The following RIMS2 variants were observed in gnomAD, a reference collection of about 807,000 sequenced individuals.
The protein encoded by RIMS2 is regulating synaptic membrane exocytosis protein 2.
In RIMS2, 59 loss-of-function variants were observed where a neutral mutation model predicts 174.4. The observed-to-expected ratio is 0.34, with a 90% CI of 0.27 to 0.42. The LOEUF is 0.42. Ranked by LOEUF, RIMS2 falls within the 10% of genes least tolerant of loss-of-function variation. The pLI is 1.00. For missense variants in RIMS2, 1,620 were observed against 1,666.3 expected, an observed-to-expected ratio of 0.97 and a Z score of 0.48; for synonymous variants, 606 against 572.5, an observed-to-expected ratio of 1.06 and a Z score of -0.84.
At chr8:103,986,757 C>G (rs2094389848) in intron 16 of RIMS2, among the ~76,000 whole-genome samples, 1 of 151,890 alleles carries the variant, frequency 6.6e-6, no homozygotes, top group Admixed American at 6.6e-5. Flanking sequence ...CCTCTAATCC[C>G]AGCTACCCAA....
At chr8:104,144,719 A>G (rs2133778765) in intron 19 of RIMS2, among the ~76,000 whole-genome samples, 1 of 152,150 alleles carries the variant, frequency 6.6e-6, no homozygotes, top group Admixed American at 6.5e-5. Context: ...TGAACACATA[A>G]TTTTATTTTT....
At chr8:104,090,914 A>G (rs2097643811) in intron 19 of RIMS2, among the ~76,000 whole-genome samples, 1 of 151,892 alleles carries the variant, frequency 6.6e-6, no homozygotes, top group Non-Finnish European at 1.5e-5. Flanking sequence ...AGCTAAAGAT[A>G]TTCCTGAAAT....
intron 16 of RIMS2, among the ~76,000 whole-genome samples, chr8:103,982,242 A>G (rs2154549367): frequency 6.6e-6 from 1 of 152,308 alleles, no homozygotes; most frequent in Non-Finnish European, 1.5e-5. Context: ...AACAAGATCA[A>G]AGCCATAATG....
intron 2 of RIMS2, among the ~76,000 whole-genome samples, chr8:103,734,020 T>C (rs1170878606): frequency 1.1e-5 from 1 of 90,862 alleles, no homozygotes; most frequent in African/African-American, 3.5e-5. Flanking sequence ...GCTTCTTTTT[T>C]TTTTTTTTTT....
Position 103,590,079 on chromosome 8 carries a change from G to A in RIMS2, c.176+89017G>A, listed in dbSNP as rs541088169. 5.9e-5 allele frequency among the ~76,000 whole-genome samples: 9 copies of A among 151,374 alleles called. No individual in the cohort carries two copies. The Middle Eastern group carries it at 0.01, about 172-fold the overall frequency. On this transcript the variant is annotated intron_variant, in intron 1 of 23. Coordinates refer to ENST00000504942, the Ensembl canonical transcript of RIMS2. ...TTGTACAGTTTGAAATAACTTAGAG[G>A]GTAATTGGATTGTTTGTAACTCAAA...
intron 3 of RIMS2, among the ~76,000 whole-genome samples, chr8:103,867,616 G>A (rs1045152836): frequency 4.0e-5 from 6 of 151,812 alleles, no homozygotes; most frequent in African/African-American, 1.5e-4. Context: ...GCAATTGAGA[G>A]GAATTACAAA....
chr8:103,879,009 A>G (rs1188791829), intron 3 of RIMS2, among the ~76,000 whole-genome samples: 3 of 151,666 alleles, frequency 2.0e-5, no homozygotes, highest in Non-Finnish European at 2.9e-5. Flanking sequence ...ATTCGAATGC[A>G]TGGGAAGTAG....
chr8:104,082,627 A>T (rs1217110909), intron 19 of RIMS2, among the ~76,000 whole-genome samples: 1 of 152,158 alleles, frequency 6.6e-6, no homozygotes, highest in Non-Finnish European at 1.5e-5. Context: ...CTGGGACAAG[A>T]TTGTGGAGAA....
chr8:103,525,965 A>G (rs1010698022), intron 1 of RIMS2, among the ~76,000 whole-genome samples: 1 of 152,216 alleles, frequency 6.6e-6, no homozygotes, highest in Non-Finnish European at 1.5e-5. Flanking sequence ...TGGAGACAAG[A>G]TCCTGGAGAA....
chr8:104,159,877 G>A (rs1304528462), intron 19 of RIMS2, among the ~76,000 whole-genome samples: 1 of 152,094 alleles, frequency 6.6e-6, no homozygotes, highest in Admixed American at 6.5e-5. Context: ...GGTGGCTCAT[G>A]CCTGGAATCC....
intron 19 of RIMS2, among the ~76,000 whole-genome samples, chr8:104,147,525 C>T (rs2098651722): frequency 6.6e-6 from 1 of 151,926 alleles, no homozygotes; most frequent in Admixed American, 6.6e-5. Context: ...AAGAGTTCAC[C>T]TCAATAAGTT....
intron 1 of RIMS2, among the ~76,000 whole-genome samples, chr8:103,579,302 C>A (rs7822390): frequency 0.18 from 27,576 of 151,774 alleles, 2,747 homozygotes; most frequent in African/African-American, 0.26. Context: ...CACACACACA[C>A]ACACACGAAA....
rs577216445 is a variant in RIMS2 at position 103,670,258 on chromosome 8, C to T, written c.177-26828C>T. ...CACGAAGACCCTAGGCTGCACGCAGCAGGGGGACCCTGGGCTGAGCCCACA... is the reference window on the plus strand; with the variant it reads ...CACGAAGACCCTAGGCTGCACGCAGTAGGGGGACCCTGGGCTGAGCCCACA... On this transcript the variant is annotated intron_variant, in intron 1 of 23. Transcript: ENST00000504942. 3.9e-5 allele frequency among the ~76,000 whole-genome samples: 6 copies of T among 152,358 alleles called. No homozygotes were observed. In the South Asian group the frequency reaches 1.0e-3, roughly 26 times the overall value.
intron 3 of RIMS2, among the ~76,000 whole-genome samples, chr8:103,883,175 CTAATA>C (rs1345187971): frequency 6.6e-6 from 1 of 151,600 alleles, no homozygotes. Context: ...ATTTCTTAAC[CTAATA>C]TATGTTTGTT....
chr8:103,683,554 T>A lies in RIMS2; in HGVS notation c.177-13532T>A, dbSNP rs542311535. Among the ~76,000 whole-genome samples the A allele has an allele frequency of 1.2e-4, 19 of 152,316 alleles. No homozygotes were observed. In the South Asian group the frequency reaches 3.7e-3, roughly 30 times the overall value. ...TCAAACCATAGCACTTCGTAAATTGTCCAGTACTCCAATGCCTCCAGAACT... is the reference window on the plus strand; with the variant it reads ...TCAAACCATAGCACTTCGTAAATTGACCAGTACTCCAATGCCTCCAGAACT... On this transcript the variant is annotated intron_variant, in intron 1 of 23. Transcript: ENST00000504942.
At chr8:103,675,851 C>A (rs2096802805) in intron 1 of RIMS2, among the ~76,000 whole-genome samples, 1 of 152,012 alleles carries the variant, frequency 6.6e-6, no homozygotes, top group Non-Finnish European at 1.5e-5. Flanking sequence ...GGTTTGTGGA[C>A]TTTTAAATAG....
chr8:103,833,910 A>C (rs2154480863), intron 3 of RIMS2, among the ~76,000 whole-genome samples: 1 of 152,258 alleles, frequency 6.6e-6, no homozygotes, highest in Admixed American at 6.5e-5. Flanking sequence ...ATATCAGGTA[A>C]GTTTGAAGTG....
At chr8:103,959,517 C>T (rs1052544959) in intron 14 of RIMS2, among the ~76,000 whole-genome samples, 8 of 151,858 alleles carry the variant, frequency 5.3e-5, no homozygotes, top group Non-Finnish European at 1.2e-4. Context: ...CCGCCTCCTG[C>T]CTCAACCTCC....
chr8:104,217,048 C>T (rs1417213748), intron 19 of RIMS2, among the ~76,000 whole-genome samples: 2 of 151,856 alleles, frequency 1.3e-5, no homozygotes, highest in African/African-American at 4.8e-5. Flanking sequence ...TTTATTCTTC[C>T]CCTGTATTAT....
Sources: gnomAD v4.1 joint callset for allele counts (sites outside exome capture counted in the v4.1 genomes callset) on GRCh38, gnomAD v4.1.1 for gene constraint, MANE v1.5 for transcripts, NCBI Gene and HGNC (gene_info 2026-07-23, HGNC 2026-07-21) for gene names.